Variants in TLL2 observed in about 807,000 individuals in gnomAD.
The protein encoded by TLL2 is tolloid like 2, also known as tolloid-like protein 2.
Under a neutral mutation model 123.0 loss-of-function variants are expected in TLL2, and 106 were observed. The observed-to-expected ratio is 0.86, with a 90% CI of 0.74 to 1.01. TLL2 has a LOEUF of 1.01. Among genes scored for constraint, TLL2 ranks in the 50% least tolerant of loss-of-function variants. The pLI, the probability that TLL2 is intolerant of heterozygous loss-of-function variation, is 0.00. For synonymous variants in TLL2, 494 were observed against 516.8 expected (o/e 0.96, Z 0.60); for missense variants, 1,332 against 1,336.7 (o/e 1.00, Z 0.06).
At chr10:96,384,027 T>A (rs767632768) in intron 16 of TLL2, among the ~76,000 whole-genome samples, 1 of 152,158 alleles carries the variant, frequency 6.6e-6, no homozygotes, top group Non-Finnish European at 1.5e-5. Flanking sequence ...TACTTGGAAA[T>A]AGTGTCTCTG....
intron 6 of TLL2, 122 bp from the exon 7 acceptor site, chr10:96,421,183 T>A: frequency 1.4e-6 from 1 of 701,286 alleles, no homozygotes; most frequent in East Asian, 2.6e-5. Context: ...ATCAGTCAAA[T>A]AACAGGGCTT....
At chr10:96,421,990 A>G (rs1034767005) in intron 6 of TLL2, among the ~76,000 whole-genome samples, 8 of 152,206 alleles carry the variant, frequency 5.3e-5, no homozygotes, top group African/African-American at 1.9e-4. Context: ...ATATTCTTCA[A>G]CTAGCTACTT....
chr10:96,432,510 T>C (rs1260632574), intron 4 of TLL2, among the ~76,000 whole-genome samples: 1 of 152,098 alleles, frequency 6.6e-6, no homozygotes, highest in Admixed American at 6.5e-5. Flanking sequence ...GGAGGGCTTG[T>C]CCTCAAACAG....
intron 1 of TLL2, among the ~76,000 whole-genome samples, chr10:96,491,472 C>A (rs981013213): frequency 6.6e-6 from 1 of 152,026 alleles, no homozygotes; most frequent in East Asian, 1.9e-4. Context: ...CCCCACTAGA[C>A]CTTCAACCTG....
chr10:96,491,800 G>T (rs149932147), intron 1 of TLL2, among the ~76,000 whole-genome samples: 1 of 152,194 alleles, frequency 6.6e-6, no homozygotes, highest in African/African-American at 2.4e-5. Flanking sequence ...TGCTCCCACT[G>T]TGGCTGATTT....
chr10:96,450,099 G>A (rs910919304), intron 2 of TLL2, among the ~76,000 whole-genome samples: 1 of 150,932 alleles, frequency 6.6e-6, no homozygotes, highest in Non-Finnish European at 1.5e-5. Context: ...CAGGTACTGA[G>A]TAAAATACAG....
At chr10:96,448,520 C>T (rs1005052034) in intron 2 of TLL2, among the ~76,000 whole-genome samples, 21 of 152,156 alleles carry the variant, frequency 1.4e-4, no homozygotes, top group African/African-American at 5.1e-4. Flanking sequence ...GGCATTCGTT[C>T]ATTCAACAAG....
rs1846101889 is a variant in TLL2 at position 96,373,267 on chromosome 10, G to A, written c.2662+329C>T. 4 of 293,782 alleles carry A rather than the reference G, an allele frequency of 1.4e-5. No homozygotes were observed. The South Asian group carries it at 1.4e-4, about 10-fold the overall frequency. 18.2% of individuals were successfully genotyped at this position (293,782 alleles called of 1,614,324 possible). ...AGCAATTCTCCTGCCTCAGCCTCCT[G>A]AGTAGCTGGAATTACAGGCACCAAC... On this transcript the variant is annotated intron_variant, in intron 19 of 20. Coordinates refer to ENST00000357947, the MANE Select transcript of TLL2 (RefSeq NM_012465.4).
At chr10:96,446,488 C>T (rs1846898127) in intron 2 of TLL2, among the ~76,000 whole-genome samples, 1 of 139,640 alleles carries the variant, frequency 7.2e-6, no homozygotes, top group African/African-American at 2.6e-5. Context: ...TCAGCTTCCT[C>T]ACGCGCCCCC....
intron 16 of TLL2, among the ~76,000 whole-genome samples, chr10:96,384,120 G>C (rs1443125530): frequency 6.6e-6 from 1 of 152,088 alleles, no homozygotes; most frequent in African/African-American, 2.4e-5. Context: ...AGTCCTTCTA[G>C]GAAAAGGAGG....
intron 18 of TLL2, among the ~76,000 whole-genome samples, chr10:96,376,273 G>A (rs185643699): frequency 9.2e-5 from 14 of 152,258 alleles, no homozygotes; most frequent in Admixed American, 7.2e-4. Context: ...TGTTTAGAGT[G>A]GTCATTTCTA....
At chr10:96,504,378 G>A (rs568863513) in intron 1 of TLL2, among the ~76,000 whole-genome samples, 1 of 152,070 alleles carries the variant, frequency 6.6e-6, no homozygotes, top group Non-Finnish European at 1.5e-5. Flanking sequence ...GGGTGGCTGA[G>A]GTGGGCAGAT....
rs1407055163 is a variant in TLL2 at position 96,372,782 on chromosome 10, C to A, written c.2662+814G>T. The stretch of plus-strand genomic sequence containing the variant: ...TCAGAGCTCACTGAAGCTTTGAACT[C>A]CTGGGCTCCAGCAATTCTCCTGCTT... On this transcript the variant is annotated intron_variant, in intron 19 of 20. Coordinates refer to ENST00000357947, the MANE Select transcript of TLL2 (RefSeq NM_012465.4). 2.0e-5 allele frequency among the ~76,000 whole-genome samples: 3 copies of A among 152,202 alleles called. No homozygotes were observed. The South Asian group carries it at 6.2e-4, about 32-fold the overall frequency.
chr10:96,439,225 C>T (rs1203355252), intron 3 of TLL2, among the ~76,000 whole-genome samples: 1 of 148,806 alleles, frequency 6.7e-6, no homozygotes, highest in Non-Finnish European at 1.5e-5. Context: ...CTCAGCCTCC[C>T]AAGTAGCTGG....
At chr10:96,464,483 C>A (rs139983847) in intron 2 of TLL2, among the ~76,000 whole-genome samples, 2 of 152,180 alleles carry the variant, frequency 1.3e-5, no homozygotes, top group African/African-American at 4.8e-5. Flanking sequence ...TCTGGCTCCC[C>A]TACACCCTAG....
chr10:96,394,523 C>G (rs1846319079), intron 13 of TLL2, among the ~76,000 whole-genome samples: 1 of 152,178 alleles, frequency 6.6e-6, no homozygotes, highest in Non-Finnish European at 1.5e-5. Context: ...GTCCCCAGGG[C>G]AACACGGAAA....
At chr10:96,476,035 A>C (rs998054522) in intron 2 of TLL2, among the ~76,000 whole-genome samples, 2 of 151,194 alleles carry the variant, frequency 1.3e-5, no homozygotes, top group Non-Finnish European at 2.9e-5. Flanking sequence ...AGTCCAATTA[A>C]CCCTCTCTCT....
chr10:96,403,171 C>G (rs977268178), intron 10 of TLL2, among the ~76,000 whole-genome samples: 2 of 152,156 alleles, frequency 1.3e-5, no homozygotes, highest in Non-Finnish European at 2.9e-5. Flanking sequence ...CCACGGCTGC[C>G]ATTCCTGGGC....
At position 96,367,944 on chromosome 10, in the gene TLL2, T is replaced by C. The variant is rs2134048125; in HGVS notation, c.*144A>G. The C allele has an allele frequency of 9.9e-7, 1 of 1,008,338 alleles. No homozygotes were observed. The highest frequency in any genetic ancestry group is 1.9e-5 in the South Asian group (1 of 53,032). The allele number at this position is 1,008,338 out of a possible 1,614,324, so 62.5% of individuals were successfully genotyped here. On this transcript the variant is annotated 3_prime_UTR_variant, in exon 21 of 21. Coordinates refer to ENST00000357947, the MANE Select transcript of TLL2 (RefSeq NM_012465.4). Reference sequence around the variant, plus strand: ...AACTTACAAGACTTTCATTCAAATATATACCTCTAAGGCTGGATTCTGAGT... The same window carrying C: ...AACTTACAAGACTTTCATTCAAATACATACCTCTAAGGCTGGATTCTGAGT...
Sources: gnomAD v4.1 joint callset for allele counts (sites outside exome capture counted in the v4.1 genomes callset) on GRCh38, gnomAD v4.1.1 for gene constraint, MANE v1.5 for transcripts, NCBI Gene and HGNC (gene_info 2026-07-23, HGNC 2026-07-21) for gene names.